ROBO2: variants seen among roughly 807,000 people sequenced by gnomAD.
ROBO2 encodes the protein roundabout homolog 2.
In ROBO2, 53 loss-of-function variants were observed where a neutral mutation model predicts 160.8. The ratio of observed to expected loss-of-function variants is 0.33; its 90% CI spans 0.26 to 0.41. The LOEUF (loss-of-function observed/expected upper bound fraction) is 0.41. ROBO2 is among the 10% of genes least tolerant of loss of function. The pLI, the probability that ROBO2 is intolerant of heterozygous loss-of-function variation, is 1.00. For synonymous variants in ROBO2, 664 were observed against 611.7 expected (o/e 1.09, Z -1.26); for missense variants, 1,577 against 1,722.4 (o/e 0.92, Z 1.49).
At chr3:76,280,295 T>C (rs1385283014) in intron 2 of ROBO2, among the ~76,000 whole-genome samples, 2 of 151,988 alleles carry the variant, frequency 1.3e-5, no homozygotes, top group South Asian at 4.1e-4. Flanking sequence ...TAACCCCCAG[T>C]GTGACTGTAT....
At chr3:77,330,181 T>C (rs1190623244) in intron 2 of ROBO2, among the ~76,000 whole-genome samples, 1 of 152,206 alleles carries the variant, frequency 6.6e-6, no homozygotes, top group African/African-American at 2.4e-5. Context: ...GAACTTGGTA[T>C]GCTTTATGAT....
intron 2 of ROBO2, among the ~76,000 whole-genome samples, chr3:76,453,820 A>G (rs1341615344): frequency 6.6e-6 from 1 of 152,126 alleles, no homozygotes. Context: ...AGTAGTTACT[A>G]TTTGGTACTT....
intron 13 of ROBO2, among the ~76,000 whole-genome samples, chr3:77,572,654 C>CAG (rs2093666215): frequency 6.6e-6 from 1 of 151,586 alleles, no homozygotes; most frequent in African/African-American, 2.4e-5. Flanking sequence ...CACACACACA[C>CAG]ACACACACAC....
At chr3:76,739,628 TA>T (rs36029989) in intron 2 of ROBO2, among the ~76,000 whole-genome samples, 25,880 of 149,098 alleles carry the variant, frequency 0.17, 2,505 homozygotes, top group Non-Finnish European at 0.23. Flanking sequence ...AAAGTATAAT[TA>T]AAAAAAAAAG....
chr3:76,632,781 G>A (rs1288033575), intron 2 of ROBO2, among the ~76,000 whole-genome samples: 1 of 152,092 alleles, frequency 6.6e-6, no homozygotes, highest in Non-Finnish European at 1.5e-5. Flanking sequence ...TCTACATTGG[G>A]ATGTCTAATT....
intron 2 of ROBO2, among the ~76,000 whole-genome samples, chr3:75,986,903 G>C (rs948234195): frequency 2.0e-5 from 3 of 151,424 alleles, no homozygotes; most frequent in Non-Finnish European, 4.4e-5. Flanking sequence ...TCATTTCTGG[G>C]ATCTCAATTT....
chr3:77,644,094 T>C (rs1035415980), intron 24 of ROBO2, among the ~76,000 whole-genome samples: 1 of 146,436 alleles, frequency 6.8e-6, no homozygotes, highest in Admixed American at 7.1e-5. Flanking sequence ...ACATATGTCA[T>C]GAGTTATTTG....
intron 2 of ROBO2, among the ~76,000 whole-genome samples, chr3:75,947,927 C>G (rs1948378562): frequency 6.6e-6 from 1 of 151,822 alleles, no homozygotes. Flanking sequence ...TTAAAGTGAT[C>G]TTTAGATAAA....
At chr3:77,604,446 T>C (rs1290505822) in intron 20 of ROBO2, among the ~76,000 whole-genome samples, 1 of 152,168 alleles carries the variant, frequency 6.6e-6, no homozygotes, top group African/African-American at 2.4e-5. Flanking sequence ...ATTCTATATG[T>C]GTTGATTGCC....
At chr3:76,623,957 A>G (rs541281574) in intron 2 of ROBO2, among the ~76,000 whole-genome samples, 16 of 152,220 alleles carry the variant, frequency 1.1e-4, no homozygotes, top group African/African-American at 2.9e-4. Flanking sequence ...TAACTTATAT[A>G]TTTTATCAGT....
intron 2 of ROBO2, among the ~76,000 whole-genome samples, chr3:77,131,710 GT>G (rs1451643724): frequency 2.0e-5 from 3 of 152,058 alleles, no homozygotes; most frequent in African/African-American, 7.2e-5. Context: ...ACATATGAAA[GT>G]GTCTAGCATA....
At position 77,640,296 on chromosome 3, in the gene ROBO2, G is replaced by C. The variant is rs572785394; in HGVS notation, c.3935-4408G>C. Among the ~76,000 whole-genome samples, 16 of 152,056 alleles carry C rather than the reference G, an allele frequency of 1.1e-4. No individual in the cohort carries two copies. In the South Asian group the frequency reaches 2.7e-3, roughly 26 times the overall value. On this transcript the variant is annotated intron_variant, in intron 24 of 25. Transcript: ENST00000461745. ...TCGGGTAATTGTTTTTGTATTTTTA[G>C]TAGAGACGGGGTTTCACTGTGTTAG...
chr3:76,563,921 G>A (rs977777908), intron 2 of ROBO2, among the ~76,000 whole-genome samples: 2 of 152,168 alleles, frequency 1.3e-5, no homozygotes, highest in East Asian at 1.9e-4. Context: ...TAAAATTCAA[G>A]TAAGATCTAA....
chr3:77,342,530 G>A (rs2067177756), intron 2 of ROBO2, among the ~76,000 whole-genome samples: 1 of 152,122 alleles, frequency 6.6e-6, no homozygotes, highest in Admixed American at 6.6e-5. Flanking sequence ...ATGTCTACCT[G>A]AAGACATTTT....
intron 2 of ROBO2, among the ~76,000 whole-genome samples, chr3:77,270,726 T>C (rs2059431114): frequency 6.6e-6 from 1 of 152,114 alleles, no homozygotes; most frequent in Non-Finnish European, 1.5e-5. Flanking sequence ...GGGCAGATCA[T>C]GAGCTCAGGA....
At chr3:77,100,504 A>G (rs2071761302) in intron 2 of ROBO2, among the ~76,000 whole-genome samples, 1 of 151,880 alleles carries the variant, frequency 6.6e-6, no homozygotes, top group South Asian at 2.1e-4. Context: ...ATGTATTTTC[A>G]TAAAATGACA....
intron 17 of ROBO2, among the ~76,000 whole-genome samples, chr3:77,593,358 T>A (rs1391672811): frequency 6.6e-6 from 1 of 152,196 alleles, no homozygotes; most frequent in African/African-American, 2.4e-5. Flanking sequence ...TCAGATTAAT[T>A]CTTTTTTGTT....
At chr3:76,314,784 G>A (rs1412038191) in intron 2 of ROBO2, among the ~76,000 whole-genome samples, 1 of 152,016 alleles carries the variant, frequency 6.6e-6, no homozygotes, top group Non-Finnish European at 1.5e-5. Context: ...TTATGTTACT[G>A]GTAATGCTTC....
At chr3:77,052,894 T>A (rs2065358751) in intron 1 of ROBO2, among the ~76,000 whole-genome samples, 1 of 152,104 alleles carries the variant, frequency 6.6e-6, no homozygotes, top group Admixed American at 6.6e-5. Flanking sequence ...AATGAGAAAG[T>A]GTTAAGGGTG....
Sources: allele counts gnomAD v4.1 joint callset (sites outside exome capture counted in the v4.1 genomes callset), GRCh38; gene constraint gnomAD v4.1.1; transcripts MANE v1.5; gene names NCBI Gene and HGNC (gene_info 2026-07-23, HGNC 2026-07-21).